Variants in GNA14 observed in about 807,000 individuals in gnomAD.
GNA14 encodes the protein G protein subunit alpha 14.
Under a neutral mutation model 42.0 loss-of-function variants are expected in GNA14, and 50 were observed. That is an observed-to-expected ratio of 1.19 (90% CI 0.95 to 1.51). The LOEUF (loss-of-function observed/expected upper bound fraction) is 1.51, where lower values mean the gene tolerates loss of function less well. Ranked by LOEUF, GNA14 falls within the 40% of genes most tolerant of loss-of-function variation. The pLI, the probability that GNA14 is intolerant of heterozygous loss-of-function variation, is 0.00. For missense variants in GNA14, 473 were observed against 446.2 expected (o/e 1.06, Z -0.54); for synonymous variants, 173 against 163.1 (o/e 1.06, Z -0.46).
chr9:77,555,720 G>C (rs1822765948), intron 1 of GNA14, among the ~76,000 whole-genome samples: 1 of 152,156 alleles, frequency 6.6e-6, no homozygotes, highest in African/African-American at 2.4e-5. Context: ...CATGCACGAC[G>C]ATGTCCACTG....
intron 1 of GNA14, among the ~76,000 whole-genome samples, chr9:77,549,357 G>A (rs943038777): frequency 6.6e-6 from 1 of 152,156 alleles, no homozygotes; most frequent in Non-Finnish European, 1.5e-5. Flanking sequence ...TTGGAGCTCT[G>A]AAAGCTTAAG....
At chr9:77,493,890 A>C (rs944387295) in intron 2 of GNA14, among the ~76,000 whole-genome samples, 1 of 152,158 alleles carries the variant, frequency 6.6e-6, no homozygotes, top group African/African-American at 2.4e-5. Context: ...ACAAGATTTA[A>C]CAAAAAGATA....
chr9:77,480,937 C>CT (rs1248003352), intron 2 of GNA14, among the ~76,000 whole-genome samples: 2 of 152,040 alleles, frequency 1.3e-5, no homozygotes, highest in African/African-American at 2.4e-5. Flanking sequence ...ATTCTTCTCT[C>CT]TTTTCTTCTT....
Position 77,425,838 on chromosome 9 carries a change from T to C in GNA14, c.724-123A>G, listed in dbSNP as rs565807013. ...CCGCAGTCTCTGGGCCACTGTCTGC[T>C]GAAGCTGGTGAGCATGTGGGGCCCC... is the stretch of plus-strand genomic sequence containing the variant. On this transcript the variant is annotated intron_variant, in intron 5 of 6. Coordinates refer to ENST00000341700, the MANE Select transcript of GNA14 (RefSeq NM_004297.4). 2.4e-5 allele frequency: 18 copies of C among 749,226 alleles called. No individual in the cohort carries two copies. The South Asian group carries it at 2.9e-4, about 12-fold the overall frequency. 46.4% of individuals were successfully genotyped at this position (749,226 alleles called of 1,614,324 possible). A position where few individuals can be genotyped will look rare whatever the true frequency, so the allele number is the denominator to read the frequency against.
chr9:77,427,113 G>A (rs1425203010), intron 5 of GNA14, among the ~76,000 whole-genome samples: 3 of 152,208 alleles, frequency 2.0e-5, no homozygotes, highest in East Asian at 1.9e-4. Context: ...AACCAGGAGG[G>A]GAAAGTCTGG....
chr9:77,493,027 ATAT>A lies in GNA14; in HGVS notation c.309+36039_309+36041del, dbSNP rs1393672928. On this transcript the variant is annotated intron_variant, in intron 2 of 6. Coordinates refer to ENST00000341700, the MANE Select transcript of GNA14 (RefSeq NM_004297.4). ...GGAAAAAAAAAAAAAAAAAAAAAAA[ATAT>A]ATATATATATATATATTTGGGAGAT... is the stretch of plus-strand genomic sequence containing the variant. 1.2e-3 allele frequency among the ~76,000 whole-genome samples: 63 copies of A among 51,562 alleles called. 3 individuals are homozygous for A. Among genetic ancestry groups the A allele is most frequent in the African/African-American group, 5.6e-3 (58 of 10,284 alleles). The allele number at this position is 51,562 out of a possible 152,430, so 33.8% of individuals were successfully genotyped here.
intron 1 of GNA14, among the ~76,000 whole-genome samples, chr9:77,546,013 C>T (rs918048722): frequency 3.3e-5 from 5 of 151,920 alleles, no homozygotes; most frequent in African/African-American, 9.7e-5. Context: ...GTCAGGAGTT[C>T]GAGACCAGCC....
At chr9:77,599,086 CAG>C (rs762800508) in intron 1 of GNA14, among the ~76,000 whole-genome samples, 1 of 152,112 alleles carries the variant, frequency 6.6e-6, no homozygotes, top group Non-Finnish European at 1.5e-5. Context: ...TACAAGCATT[CAG>C]AGAGGGAAAT....
chr9:77,635,524 G>T (rs931597675), intron 1 of GNA14, among the ~76,000 whole-genome samples: 13 of 152,034 alleles, frequency 8.6e-5, no homozygotes, highest in Non-Finnish European at 1.6e-4. Context: ...CATAGTATTT[G>T]AATAGTTTTG....
chr9:77,472,005 A>C (rs1007691316), intron 2 of GNA14, among the ~76,000 whole-genome samples: 2 of 152,196 alleles, frequency 1.3e-5, no homozygotes, highest in African/African-American at 4.8e-5. Context: ...ATTAATAACA[A>C]TATTACTACA....
intron 2 of GNA14, among the ~76,000 whole-genome samples, chr9:77,461,144 A>C (rs1836096951): frequency 1.3e-5 from 2 of 152,176 alleles, no homozygotes; most frequent in African/African-American, 4.8e-5. Flanking sequence ...GGCTCTCACC[A>C]GGCCCCCGCG....
chr9:77,645,230 G>A (rs1587859838), intron 1 of GNA14, among the ~76,000 whole-genome samples: 1 of 152,174 alleles, frequency 6.6e-6, no homozygotes, highest in East Asian at 1.9e-4. Context: ...TGCAAAGTGA[G>A]GTTTTTAACT....
At chr9:77,647,109 GCTTTGC>G (rs1824368164) in intron 1 of GNA14, among the ~76,000 whole-genome samples, 1 of 152,208 alleles carries the variant, frequency 6.6e-6, no homozygotes, top group African/African-American at 2.4e-5. Context: ...CCTAGCATCG[GCTTTGC>G]CTTTTCTCAA....
intron 1 of GNA14, among the ~76,000 whole-genome samples, chr9:77,571,874 T>C (rs1823066350): frequency 1.3e-5 from 2 of 152,234 alleles, no homozygotes; most frequent in African/African-American, 4.8e-5. Context: ...AATGATAATT[T>C]TTTTGATATA....
intron 2 of GNA14, among the ~76,000 whole-genome samples, chr9:77,523,730 C>G (rs1034209214): frequency 6.6e-6 from 1 of 152,202 alleles, no homozygotes; most frequent in Non-Finnish European, 1.5e-5. Flanking sequence ...AGCGAAGGAG[C>G]TAGGGTCAGC....
Position 77,647,786 on chromosome 9 carries a change from C to A in GNA14, c.8G>T (p.Gly3Val). 6.2e-7 allele frequency: 1 copy of A among 1,608,644 alleles called. No individual in the cohort carries two copies. Among genetic ancestry groups the A allele is most frequent in the Non-Finnish European group, 8.5e-7 (1 of 1,178,680 alleles). The change falls in exon 1 of 7, where the codon GGC (glycine) becomes GTC (valine). Residue 3 changes from glycine (G) to valine (V), a missense_variant. Physicochemically the swap from Gly to Val is moderately radical, Grantham distance 109. Coordinates refer to ENST00000341700, the MANE Select transcript of GNA14 (RefSeq NM_004297.4). ...CTCCTCCGCGGACAGGCAGCAGCAG[C>A]CGGCCATGGTGCGCTCAGCTCAGTA... MA[G>V]CCCLSAEEKE...
chr9:77,593,350 C>T (rs1353731071), intron 1 of GNA14, among the ~76,000 whole-genome samples: 11 of 122,776 alleles, frequency 9.0e-5, no homozygotes, highest in African/African-American at 5.8e-4. Context: ...TTTTTTGAAA[C>T]GGAGTCTCAC....
chr9:77,593,426 C>T (rs1010427641), intron 1 of GNA14, among the ~76,000 whole-genome samples: 1 of 151,658 alleles, frequency 6.6e-6, no homozygotes, highest in African/African-American at 2.4e-5. Context: ...CTCCCAGGTT[C>T]AAGCCTCCCA....
chr9:77,588,549 G>A (rs1263799648), intron 1 of GNA14, among the ~76,000 whole-genome samples: 2 of 152,160 alleles, frequency 1.3e-5, no homozygotes, highest in Non-Finnish European at 2.9e-5. Flanking sequence ...GTCACGGGGT[G>A]AGAAGAGAAG....
Sources: gnomAD v4.1 joint callset for allele counts (sites outside exome capture counted in the v4.1 genomes callset) on GRCh38, gnomAD v4.1.1 for gene constraint, MANE v1.5 for transcripts, NCBI Gene and HGNC (gene_info 2026-07-23, HGNC 2026-07-21) for gene names.